Variants in FAT3 observed in about 807,000 individuals in gnomAD.
The protein encoded by FAT3 is protocadherin Fat 3.
FAT3 carries 95 observed loss-of-function variants against 310.2 expected under a neutral mutation model. That is an observed-to-expected ratio of 0.31 (90% CI 0.26 to 0.36). FAT3 has a LOEUF of 0.36. Ranked by LOEUF, FAT3 falls within the 10% of genes least tolerant of loss-of-function variation. The probability of loss-of-function intolerance (pLI) is 1.00; values close to 1 mark genes in which losing one functional copy is unlikely to be tolerated. For missense variants in FAT3, 5,408 were observed against 5,715.6 expected (o/e 0.95, Z 1.74); for synonymous variants, 2,314 against 2,192.9 (o/e 1.06, Z -1.54).
intron 3 of FAT3, among the ~76,000 whole-genome samples, chr11:92,641,603 C>T (rs1296952400): frequency 6.6e-6 from 1 of 152,182 alleles, no homozygotes; most frequent in East Asian, 1.9e-4. Flanking sequence ...TTCCATATCC[C>T]CCTCTGCCTT....
At chr11:92,773,900 C>T in intron 6 of FAT3, 141 bp from the exon 7 acceptor site, 1 of 719,266 alleles carries the variant, frequency 1.4e-6, no homozygotes, top group Non-Finnish European at 2.3e-6. Flanking sequence ...AAAGAGGTCC[C>T]ATTTAAGATG....
In FAT3 at chr11:92,354,304, C is replaced by T; in HGVS notation, c.2192C>T (p.Ser731Phe). The T allele has an allele frequency of 6.2e-7, 1 of 1,613,714 alleles. No homozygotes were observed. The highest frequency in any genetic ancestry group is 1.1e-5 in the South Asian group (1 of 91,082). Residue 731 changes from serine (S) to phenylalanine (F), a missense_variant, in exon 2 of 28, where the codon TCT (serine) becomes TTT (phenylalanine). By Grantham distance (155) the Ser-to-Phe change is radical. Transcript: ENST00000525166. ...QGPYFDKSFPSDVAVKEDLPV... is the reference protein window; with the variant it reads ...QGPYFDKSFPFDVAVKEDLPV... ...CCATATTTTGACAAGTCTTTTCCTT[C>T]TGATGTGGCTGTAAAGGAGGATCTG... is the stretch of plus-strand genomic sequence containing the variant.
At chr11:92,721,783 A>G (rs544858845) in intron 4 of FAT3, among the ~76,000 whole-genome samples, 1 of 152,316 alleles carries the variant, frequency 6.6e-6, no homozygotes, top group South Asian at 2.1e-4. Context: ...AGACCTCACA[A>G]TCATGGCAGA....
rs745824164 is a variant in FAT3, at chr11:92,354,652, G to C, written c.2540G>C (p.Gly847Ala). ...AACATTCTTGAAAGTTCAGGCATTG[G>C]TACTGAAATCATTCAAGTGGAAGCC... Reference protein sequence around the residue: ...SVNILESSGIGTEIIQVEARD... With the variant: ...SVNILESSGIATEIIQVEARD... The change falls in exon 2 of 28, where the codon GGT becomes GCT. Residue 847 changes from glycine (G) to alanine (A), a missense_variant. Physicochemically the swap from Gly to Ala is moderately conservative, Grantham distance 60. This residue lies in a region of FAT3 where 4,588 missense variants were observed against 4,809.8 expected (regional missense o/e 0.95). Coordinates refer to ENST00000525166, the MANE Select transcript of FAT3 (RefSeq NM_001367949.2). 5.0e-6 allele frequency: 8 copies of C among 1,613,788 alleles called. No individual in the cohort carries two copies. The highest frequency in any genetic ancestry group is 6.8e-6 in the Non-Finnish European group (8 of 1,179,856).
intron 2 of FAT3, among the ~76,000 whole-genome samples, chr11:92,395,706 G>T (rs1949854007): frequency 6.6e-6 from 1 of 151,844 alleles, no homozygotes. Flanking sequence ...ACCCTCCTGA[G>T]TAGCTGGGAT....
At chr11:92,510,480 G>T (rs1258975852) in intron 2 of FAT3, among the ~76,000 whole-genome samples, 1 of 152,136 alleles carries the variant, frequency 6.6e-6, no homozygotes, top group East Asian at 1.9e-4. Context: ...TTGGCTTCCT[G>T]TCTTCAAGCT....
At chr11:92,305,869 T>G (rs1437532376) in intron 1 of FAT3, among the ~76,000 whole-genome samples, 1 of 152,168 alleles carries the variant, frequency 6.6e-6, no homozygotes, top group Admixed American at 6.5e-5. Flanking sequence ...AATTGAATTC[T>G]AGACCAGCAG....
intron 3 of FAT3, among the ~76,000 whole-genome samples, chr11:92,670,560 A>G (rs1236069632): frequency 6.6e-6 from 1 of 152,200 alleles, no homozygotes; most frequent in Non-Finnish European, 1.5e-5. Flanking sequence ...TTGTGTTGAC[A>G]TATCAGGTAT....
chr11:92,360,613 T>C (rs1948854570), intron 2 of FAT3, among the ~76,000 whole-genome samples: 1 of 152,200 alleles, frequency 6.6e-6, no homozygotes, highest in African/African-American at 2.4e-5. Flanking sequence ...TGATCAATGG[T>C]TTCACCCTTT....
intron 22 of FAT3, among the ~76,000 whole-genome samples, chr11:92,872,500 G>C (rs971567119): frequency 6.6e-6 from 1 of 152,196 alleles, no homozygotes; most frequent in Non-Finnish European, 1.5e-5. Context: ...ATTTTTCTGG[G>C]TGACTGTCTT....
intron 2 of FAT3, among the ~76,000 whole-genome samples, chr11:92,494,405 C>A (rs1357598370): frequency 1.3e-5 from 2 of 151,954 alleles, no homozygotes; most frequent in African/African-American, 2.4e-5. Flanking sequence ...GGAGGATGTA[C>A]ATACCCAAAT....
chr11:92,252,781 C>A (rs865915635), intron 1 of FAT3, among the ~76,000 whole-genome samples: 1 of 152,138 alleles, frequency 6.6e-6, no homozygotes, highest in Non-Finnish European at 1.5e-5. Flanking sequence ...ACAAATCCCA[C>A]TGACTTAGGC....
At chr11:92,287,950 CA>C (rs1946599614) in intron 1 of FAT3, among the ~76,000 whole-genome samples, 3 of 152,042 alleles carry the variant, frequency 2.0e-5, no homozygotes. Flanking sequence ...AACTGCAGAG[CA>C]AATGAGTTGT....
At chr11:92,243,510 C>G (rs1288495658) in intron 1 of FAT3, among the ~76,000 whole-genome samples, 1 of 151,408 alleles carries the variant, frequency 6.6e-6, no homozygotes, top group Non-Finnish European at 1.5e-5. Flanking sequence ...TGTCTTTTTC[C>G]TAAATAGAAA....
chr11:92,532,450 A>G (rs1954115211), intron 3 of FAT3, among the ~76,000 whole-genome samples: 1 of 152,184 alleles, frequency 6.6e-6, no homozygotes, highest in Non-Finnish European at 1.5e-5. Flanking sequence ...TTTTGTTACA[A>G]GTTTTTAAAA....
intron 4 of FAT3, among the ~76,000 whole-genome samples, chr11:92,721,457 TC>T (rs1227173673): frequency 6.6e-6 from 1 of 152,204 alleles, no homozygotes; most frequent in African/African-American, 2.4e-5. Flanking sequence ...AACAGCTCTG[TC>T]CTGGTGAAGG....
chr11:92,721,182 T>G (rs147755573), intron 4 of FAT3, among the ~76,000 whole-genome samples: 1 of 152,324 alleles, frequency 6.6e-6, no homozygotes, highest in East Asian at 1.9e-4. Context: ...ACACTGCCTG[T>G]GTTGCAATAT....
At chr11:92,757,242 T>G (rs1946026891) in intron 4 of FAT3, among the ~76,000 whole-genome samples, 1 of 152,134 alleles carries the variant, frequency 6.6e-6, no homozygotes, top group Non-Finnish European at 1.5e-5. Context: ...GCTCCTTTTA[T>G]TAGGTGATAG....
intron 19 of FAT3, among the ~76,000 whole-genome samples, chr11:92,847,092 C>A (rs1216026629): frequency 6.6e-6 from 1 of 152,190 alleles, no homozygotes. Flanking sequence ...AGGGACTCTT[C>A]CTTTTTAAAT....
Sources: allele counts gnomAD v4.1 joint callset (sites outside exome capture counted in the v4.1 genomes callset), GRCh38; gene constraint gnomAD v4.1.1; regional missense constraint gnomAD v4.1.1; transcripts MANE v1.5; gene names NCBI Gene and HGNC (gene_info 2026-07-23, HGNC 2026-07-21).